EBF1: variants seen among roughly 807,000 people sequenced by gnomAD.
EBF1 encodes EBF transcription factor 1, also known as transcription factor COE1.
EBF1 carries 10 observed loss-of-function variants against 68.4 expected under a neutral mutation model. The observed-to-expected ratio is 0.15, with a 90% CI of 0.09 to 0.25. EBF1 has a LOEUF of 0.25. Ranked by LOEUF, EBF1 falls within the 10% of genes least tolerant of loss-of-function variation. EBF1 has a pLI of 1.00. For synonymous variants in EBF1, 298 were observed against 299.8 expected (o/e 0.99, Z 0.06); for missense variants, 509 against 794.4 (o/e 0.64, Z 4.32).
intron 6 of EBF1, among the ~76,000 whole-genome samples, chr5:158,842,434 G>C (rs1214858585): frequency 1.3e-5 from 2 of 152,184 alleles, no homozygotes; most frequent in African/African-American, 2.4e-5. Context: ...CCCAGGAGAG[G>C]GCTGATTATC....
In EBF1 at chr5:158,777,506, G is replaced by A; in HGVS notation, c.943C>T (p.Pro315Ser). 1 of 1,612,468 alleles carries A rather than the reference G, an allele frequency of 6.2e-7. No individual in the cohort carries two copies. The highest frequency in any genetic ancestry group is 8.5e-7 in the Non-Finnish European group (1 of 1,179,002). ...ACAACACCAGGGATGTGCCGAGGAGGGGTCTGCACACGGATGGCATGAGGA... is the reference window on the plus strand; with the variant it reads ...ACAACACCAGGGATGTGCCGAGGAGAGGTCTGCACACGGATGGCATGAGGA... The part of the protein sequence containing the change: ...ITPHAIRVQT[P>S]PRHIPGVVEV... The change falls in exon 10 of 16, where the codon CCT becomes TCT. Residue 315 changes from proline to serine, a missense_variant. By Grantham distance (74) the Pro-to-Ser change is moderately conservative. This residue lies in a region of EBF1 where 230 missense variants were observed against 467.7 expected (regional missense o/e 0.49). Transcript: ENST00000313708.
chr5:158,971,316 T>G (rs570770918), intron 6 of EBF1, among the ~76,000 whole-genome samples: 4 of 152,304 alleles, frequency 2.6e-5, no homozygotes, highest in Admixed American at 2.0e-4. Flanking sequence ...GGGAGGCCCA[T>G]GAATTCCGGC....
At chr5:158,782,502 A>G (rs939041115) in intron 9 of EBF1, among the ~76,000 whole-genome samples, 3 of 151,962 alleles carry the variant, frequency 2.0e-5, no homozygotes, top group Non-Finnish European at 2.9e-5. Flanking sequence ...CTACAAAAAA[A>G]AAATTTTAAT....
Position 159,073,613 on chromosome 5 carries a change from T to G in EBF1, c.486-149A>C, listed in dbSNP as rs1778220489. 8.8e-6 allele frequency: 7 copies of G among 799,116 alleles called. 1 individual carries two copies. In the South Asian group the frequency reaches 1.1e-4, roughly 13 times the overall value. 49.5% of individuals were successfully genotyped at this position (799,116 alleles called of 1,614,324 possible). A position where few individuals can be genotyped will look rare whatever the true frequency, so the allele number is the denominator to read the frequency against. ...ATCAACGGATCCCTGGGACAGATAA[T>G]TCTATTTGGGTCACCTATGGGTTAA... is the stretch of plus-strand genomic sequence containing the variant. On this transcript the variant is annotated intron_variant, in intron 5 of 15. Coordinates refer to ENST00000313708, the MANE Select transcript of EBF1 (RefSeq NM_024007.5).
intron 6 of EBF1, among the ~76,000 whole-genome samples, chr5:158,900,130 T>C (rs926841083): frequency 3.9e-5 from 6 of 152,220 alleles, no homozygotes; most frequent in African/African-American, 1.2e-4. Context: ...CAGGAAATTT[T>C]TCACGTGAAG....
At chr5:158,703,620 A>T (rs993543447) in intron 15 of EBF1, among the ~76,000 whole-genome samples, 1 of 140,206 alleles carries the variant, frequency 7.1e-6, no homozygotes, top group Middle Eastern at 3.7e-3. Context: ...AAAAAAAAAA[A>T]CCCTCAGATA....
intron 6 of EBF1, among the ~76,000 whole-genome samples, chr5:158,966,283 T>A (rs1754084907): frequency 6.6e-6 from 1 of 152,164 alleles, no homozygotes; most frequent in African/African-American, 2.4e-5. Context: ...GGTTTTAAAA[T>A]AAAGTTAATT....
intron 10 of EBF1, among the ~76,000 whole-genome samples, chr5:158,772,357 A>G (rs1774040138): frequency 6.6e-6 from 1 of 152,096 alleles, no homozygotes; most frequent in Admixed American, 6.6e-5. Context: ...GTTGAAGCTG[A>G]TTATAATCTA....
In EBF1 at chr5:158,764,944, CTG is replaced by C. The variant is rs1371200865; in HGVS notation, c.1036+12467_1036+12468del. Among the ~76,000 whole-genome samples the C allele has an allele frequency of 1.1e-4, 17 of 152,178 alleles. No individual in the cohort carries two copies. The East Asian group carries it at 2.5e-3, about 22-fold the overall frequency. ...CACCTGAAAATGGGGCTAAAAATAC[CTG>C]TCTTTCCTCATAAAGAACAAAAAGG... On this transcript the variant is annotated intron_variant, in intron 10 of 15. Coordinates refer to ENST00000313708, the MANE Select transcript of EBF1 (RefSeq NM_024007.5).
At chr5:159,039,805 C>T (rs1770812129) in intron 6 of EBF1, among the ~76,000 whole-genome samples, 1 of 152,058 alleles carries the variant, frequency 6.6e-6, no homozygotes, top group Non-Finnish European at 1.5e-5. Flanking sequence ...GGGAGTAAAA[C>T]AAGTAAGGAA....
intron 6 of EBF1, among the ~76,000 whole-genome samples, chr5:158,964,447 T>A (rs535743116): frequency 6.6e-6 from 1 of 152,176 alleles, no homozygotes; most frequent in South Asian, 2.1e-4. Context: ...GCTAAGAAGT[T>A]ACTCTAGTAA....
intron 4 of EBF1, among the ~76,000 whole-genome samples, chr5:159,085,638 C>T (rs995128430): frequency 2.0e-5 from 3 of 152,140 alleles, no homozygotes; most frequent in Admixed American, 6.6e-5. Context: ...CACTGTATCA[C>T]GGCATAATAC....
chr5:158,783,839 G>A (rs916733697), intron 9 of EBF1, among the ~76,000 whole-genome samples: 8 of 152,314 alleles, frequency 5.3e-5, no homozygotes, highest in African/African-American at 1.7e-4. Context: ...AGCTGTGCAC[G>A]TAGAACTCCA....
chr5:158,969,891 AGAAAGAAAGAAAGAAAGAAAGAAAG>A (rs1404649448), intron 6 of EBF1, among the ~76,000 whole-genome samples: 1 of 113,282 alleles, frequency 8.8e-6, no homozygotes, highest in African/African-American at 3.2e-5. Flanking sequence ...AAAGAAAGAA[AGAAAGAAAGAAAGAAAGAAAGAAAG>A]AAAAAAAAAA....
intron 6 of EBF1, among the ~76,000 whole-genome samples, chr5:159,045,729 A>G (rs536268762): frequency 1.3e-5 from 2 of 152,338 alleles, no homozygotes; most frequent in South Asian, 4.1e-4. Flanking sequence ...GGCTAAATCA[A>G]ATTGTGCATC....
intron 6 of EBF1, among the ~76,000 whole-genome samples, chr5:159,010,475 C>T (rs957511502): frequency 1.3e-5 from 2 of 151,362 alleles, no homozygotes; most frequent in Non-Finnish European, 2.9e-5. Flanking sequence ...TTTAAAACCC[C>T]GGAAAATACT....
intron 6 of EBF1, among the ~76,000 whole-genome samples, chr5:158,848,061 G>A (rs1420954086): frequency 6.6e-6 from 1 of 152,200 alleles, no homozygotes; most frequent in Non-Finnish European, 1.5e-5. Flanking sequence ...CACAAGCACT[G>A]CACCATGTGT....
At chr5:159,011,634 T>C (rs1016007174) in intron 6 of EBF1, among the ~76,000 whole-genome samples, 1 of 152,220 alleles carries the variant, frequency 6.6e-6, no homozygotes, top group African/African-American at 2.4e-5. Flanking sequence ...TTGTTCTAAA[T>C]ACTCTTGTTA....
intron 6 of EBF1, among the ~76,000 whole-genome samples, chr5:158,908,021 C>T (rs1006509656): frequency 1.3e-5 from 2 of 152,066 alleles, no homozygotes; most frequent in Admixed American, 6.5e-5. Context: ...AGATGCTAAT[C>T]TTCTCCCCAA....
Sources: allele counts gnomAD v4.1 joint callset (sites outside exome capture counted in the v4.1 genomes callset), GRCh38; gene constraint gnomAD v4.1.1; regional missense constraint gnomAD v4.1.1; transcripts MANE v1.5; gene names NCBI Gene and HGNC (gene_info 2026-07-23, HGNC 2026-07-21).